Variants in CNTN5 observed in about 807,000 individuals in gnomAD.
The protein encoded by CNTN5 is contactin 5.
A neutral mutation model predicts 129.1 loss-of-function variants in CNTN5; 77 were observed. The ratio of observed to expected loss-of-function variants is 0.60; its 90% CI spans 0.50 to 0.72. The LOEUF (loss-of-function observed/expected upper bound fraction) is 0.72, where lower values mean the gene tolerates loss of function less well. Among genes scored for constraint, CNTN5 ranks in the 30% least tolerant of loss-of-function variants. The probability of loss-of-function intolerance (pLI) is 0.00; values close to 1 mark genes in which losing one functional copy is unlikely to be tolerated. For synonymous variants in CNTN5, 509 were observed against 465.6 expected, an observed-to-expected ratio of 1.09 and a Z score of -1.20; for missense variants, 1,478 against 1,328.8, an observed-to-expected ratio of 1.11 and a Z score of -1.75.
intron 21 of CNTN5, chr11:100,309,735 C>T: frequency 2.0e-6 from 2 of 982,704 alleles, no homozygotes; most frequent in Non-Finnish European, 2.4e-6. Flanking sequence ...CCTTTCTATC[C>T]AACCGTAGAA....
rs868440183 is a variant in CNTN5, at chr11:99,782,082, C to T, written c.56-37462C>T. 1.8e-3 allele frequency among the ~76,000 whole-genome samples: 273 copies of T among 150,960 alleles called. 1 individual carries two copies. Among genetic ancestry groups the T allele is most frequent in the Middle Eastern group, 6.8e-3 (2 of 292 alleles). ...TGATTGTATATCTAGAAAACCCCAT[C>T]GTCTCAGCCCAAAATCTCCTTAAGC... On this transcript the variant is annotated intron_variant, in intron 3 of 24. Transcript: ENST00000524871.
chr11:99,790,291 A>G (rs996864437), intron 3 of CNTN5, among the ~76,000 whole-genome samples: 2 of 152,046 alleles, frequency 1.3e-5, no homozygotes, highest in African/African-American at 4.8e-5. Context: ...GGTAATAAGC[A>G]TAGTAATAGG....
At position 99,689,088 on chromosome 11, in the gene CNTN5, A is replaced by G. The variant is rs535351604; in HGVS notation, c.56-130456A>G. 3.3e-5 allele frequency among the ~76,000 whole-genome samples: 5 copies of G among 152,194 alleles called. No individual in the cohort carries two copies. The East Asian group carries it at 9.7e-4, about 29-fold the overall frequency. ...ATACACACATGCATGCATCTTTATA[A>G]TAGTACTATTTGTATTACTTTTGGA... On this transcript the variant is annotated intron_variant, in intron 3 of 24. Coordinates refer to ENST00000524871, the MANE Select transcript of CNTN5 (RefSeq NM_014361.4).
chr11:99,822,901 T>A (rs1352792184), intron 4 of CNTN5, among the ~76,000 whole-genome samples: 2 of 152,226 alleles, frequency 1.3e-5, no homozygotes, highest in African/African-American at 4.8e-5. Flanking sequence ...ATCTTGTTTG[T>A]CTTTTTTGCT....
At chr11:99,710,583 GTGTGTGTGTGTGTGTGTGTA>G (rs1487309417) in intron 3 of CNTN5, among the ~76,000 whole-genome samples, 3 of 136,298 alleles carry the variant, frequency 2.2e-5, no homozygotes, top group South Asian at 2.2e-4. Flanking sequence ...GTGTGTGTGT[GTGTGTGTGTGTGTGTGTGTA>G]TGTATGTATG....
At chr11:99,145,138 C>G (rs1859713653) in intron 1 of CNTN5, among the ~76,000 whole-genome samples, 1 of 152,084 alleles carries the variant, frequency 6.6e-6, no homozygotes, top group Non-Finnish European at 1.5e-5. Flanking sequence ...GGTGTGATCT[C>G]AGCTCGCTAC....
Position 99,461,915 on chromosome 11 carries a change from AT to A in CNTN5, c.-70-94224del, listed in dbSNP as rs1160367574. ...AAGTAAATGTGTTTTCTTCAAAATT[AT>A]TTTTTGTTTTGAGGCATTTTTAAAT... On this transcript the variant is annotated intron_variant, in intron 2 of 24. Coordinates refer to ENST00000524871, the MANE Select transcript of CNTN5 (RefSeq NM_014361.4). Among the ~76,000 whole-genome samples the A allele has an allele frequency of 6.6e-5, 10 of 152,254 alleles. No homozygotes were observed. In the East Asian group the frequency reaches 1.5e-3, roughly 23 times the overall value.
intron 3 of CNTN5, among the ~76,000 whole-genome samples, chr11:99,771,010 T>C (rs1040027929): frequency 2.0e-5 from 3 of 152,058 alleles, no homozygotes; most frequent in Non-Finnish European, 4.4e-5. Flanking sequence ...GTCAAACTAA[T>C]CTTTGAGAAG....
chr11:99,480,854 C>A (rs553629949), intron 2 of CNTN5, among the ~76,000 whole-genome samples: 1 of 152,088 alleles, frequency 6.6e-6, no homozygotes, highest in Non-Finnish European at 1.5e-5. Flanking sequence ...ATCAGGGCAT[C>A]TTTTACCCTA....
Position 99,956,794 on chromosome 11 carries a change from G to T in CNTN5, c.674-12G>T. ...CAAAGTCTTTCGTTGACCAAATTTT[G>T]TGTATTTTCAGAGATCATCTATAGC... On this transcript the variant is annotated splice_polypyrimidine_tract_variant and intron_variant, in intron 7 of 24. Transcript: ENST00000524871. The T allele has an allele frequency of 6.2e-7, 1 of 1,609,258 alleles. No individual in the cohort carries two copies.
intron 13 of CNTN5, among the ~76,000 whole-genome samples, chr11:100,184,774 C>T (rs1043613675): frequency 6.6e-6 from 1 of 152,134 alleles, no homozygotes; most frequent in African/African-American, 2.4e-5. Flanking sequence ...AAAGTGCTTA[C>T]ATATGATATA....
At chr11:99,794,764 G>C (rs1009720211) in intron 3 of CNTN5, among the ~76,000 whole-genome samples, 2 of 152,060 alleles carry the variant, frequency 1.3e-5, no homozygotes, top group African/African-American at 2.4e-5. Context: ...ATGTTTTCTG[G>C]CTTGTATGGT....
chr11:99,106,974 G>T (rs530836226), intron 1 of CNTN5, among the ~76,000 whole-genome samples: 16 of 152,176 alleles, frequency 1.1e-4, no homozygotes, highest in African/African-American at 3.9e-4. Flanking sequence ...TCACTGAGAT[G>T]AAATATAAAC....
intron 13 of CNTN5, among the ~76,000 whole-genome samples, chr11:100,095,279 CT>C (rs1944965841): frequency 6.6e-6 from 1 of 152,030 alleles, no homozygotes; most frequent in South Asian, 2.1e-4. Flanking sequence ...AACTAGAAGT[CT>C]TGTTGTCATT....
At chr11:99,549,813 A>G (rs1007457484) in intron 2 of CNTN5, among the ~76,000 whole-genome samples, 4 of 152,112 alleles carry the variant, frequency 2.6e-5, no homozygotes, top group African/African-American at 9.7e-5. Context: ...AGGAATCACA[A>G]ACTATTTCTG....
chr11:100,339,365 C>G (rs952448501), intron 21 of CNTN5, among the ~76,000 whole-genome samples: 6 of 151,890 alleles, frequency 4.0e-5, no homozygotes, highest in Non-Finnish European at 8.8e-5. Flanking sequence ...GAGAAGGGAG[C>G]TGGAAAGGGG....
chr11:99,110,539 A>G lies in CNTN5; in HGVS notation c.-210+89269A>G, dbSNP rs149232379. On this transcript the variant is annotated intron_variant, in intron 1 of 24. Transcript: ENST00000524871. ...CACCAGCAAAGGTGGTACTTCTACT[A>G]TTACTGAATCACACTATTTCAAACA... Among the ~76,000 whole-genome samples the G allele has an allele frequency of 8.5e-5, 13 of 152,248 alleles. 1 individual carries two copies. Among genetic ancestry groups the G allele is most frequent in the African/African-American group, 3.1e-4 (13 of 41,576 alleles).
At chr11:99,910,249 T>C (rs1376489734) in intron 6 of CNTN5, among the ~76,000 whole-genome samples, 2 of 152,058 alleles carry the variant, frequency 1.3e-5, no homozygotes, top group African/African-American at 4.8e-5. Context: ...CCCACAAGTT[T>C]ACATTTGCCA....
chr11:100,145,631 A>G (rs1182950248), intron 13 of CNTN5, among the ~76,000 whole-genome samples: 1 of 152,080 alleles, frequency 6.6e-6, no homozygotes, highest in African/African-American at 2.4e-5. Context: ...TTTTCTTTCA[A>G]TTCTCTGAGC....
Sources: allele counts gnomAD v4.1 joint callset (sites outside exome capture counted in the v4.1 genomes callset), GRCh38; gene constraint gnomAD v4.1.1; transcripts MANE v1.5; gene names NCBI Gene and HGNC (gene_info 2026-07-23, HGNC 2026-07-21).